Variants in SCAPER observed in about 807,000 individuals in gnomAD.
The protein encoded by SCAPER is S phase cyclin A-associated protein in the endoplasmic reticulum.
SCAPER carries 98 observed loss-of-function variants against 182.2 expected under a neutral mutation model. That is an observed-to-expected ratio of 0.54 (90% CI 0.46 to 0.64). The LOEUF is 0.64. SCAPER is among the 30% of genes least tolerant of loss of function. The probability of loss-of-function intolerance (pLI) is 0.00; values close to 1 mark genes in which losing one functional copy is unlikely to be tolerated. For synonymous variants in SCAPER, 605 were observed against 564.6 expected, an observed-to-expected ratio of 1.07 and a Z score of -1.01; for missense variants, 1,432 against 1,690.0, an observed-to-expected ratio of 0.85 and a Z score of 2.68.
intron 30 of SCAPER, among the ~76,000 whole-genome samples, chr15:76,352,929 C>T (rs759638663): frequency 7.9e-5 from 12 of 151,024 alleles, no homozygotes; most frequent in Non-Finnish European, 1.5e-4. Context: ...GAAAATAAAA[C>T]GTAGATTCAA....
chr15:76,575,011 A>C (rs1201424855), intron 22 of SCAPER, among the ~76,000 whole-genome samples: 3 of 152,086 alleles, frequency 2.0e-5, no homozygotes, highest in Non-Finnish European at 4.4e-5. Context: ...TATCTGTGGT[A>C]GATTCCACAG....
chr15:76,421,960 T>C lies in SCAPER; in HGVS notation c.3311+12118A>G, dbSNP rs2046077515. Among the ~76,000 whole-genome samples, 3 of 152,230 alleles carry C rather than the reference T, an allele frequency of 2.0e-5. No individual in the cohort carries two copies. The South Asian group carries it at 6.2e-4, about 32-fold the overall frequency. On this transcript the variant is annotated intron_variant, in intron 26 of 31. Coordinates refer to ENST00000563290, the MANE Select transcript of SCAPER (RefSeq NM_020843.4). ...TGTGTGTTATTATTTCTGAGGGCTC[T>C]GTTCTGTTCCATTGGTCTATATCTC...
chr15:76,894,909 GA>G (rs2074349176), intron 1 of SCAPER, among the ~76,000 whole-genome samples: 1 of 151,574 alleles, frequency 6.6e-6, no homozygotes, highest in African/African-American at 2.4e-5. Context: ...TCACAAAAGA[GA>G]AGAACCTAGG....
intron 29 of SCAPER, among the ~76,000 whole-genome samples, chr15:76,360,578 G>C (rs2041332866): frequency 1.3e-5 from 2 of 152,250 alleles, no homozygotes; most frequent in Admixed American, 1.3e-4. Context: ...ATGACTGGCT[G>C]CCAGCCAGCT....
intron 17 of SCAPER, among the ~76,000 whole-genome samples, chr15:76,708,208 T>C (rs569133510): frequency 1.6e-4 from 24 of 152,292 alleles, no homozygotes; most frequent in African/African-American, 3.4e-4. Context: ...ATATGAATGT[T>C]ATACAAGTAG....
At chr15:76,588,089 T>C (rs558901830) in intron 22 of SCAPER, among the ~76,000 whole-genome samples, 82 of 152,102 alleles carry the variant, frequency 5.4e-4, no homozygotes, top group African/African-American at 1.7e-3. Context: ...GCCTGGCTAA[T>C]TTTTTGTATT....
chr15:76,637,667 C>T (rs2053715944), intron 21 of SCAPER, among the ~76,000 whole-genome samples: 1 of 150,634 alleles, frequency 6.6e-6, no homozygotes. Flanking sequence ...GATGGCAACA[C>T]TGCATACCAG....
At position 76,771,847 on chromosome 15, in the gene SCAPER, T is replaced by C; in HGVS notation, c.1143A>G (p.Ser381=). ...GAGGTGTACCAGCTTGCAGCATAACTGAAACACACTCTGTATCAATGTGGA... is the reference window on the plus strand; with the variant it reads ...GAGGTGTACCAGCTTGCAGCATAACCGAAACACACTCTGTATCAATGTGGA... ...SAVHIDTECV[S]VMLQAGTPPL... is the part of the protein sequence containing the mutation. Residue 381 remains serine (S), a synonymous_variant, in exon 10 of 32, where the codon TCA becomes TCG. Transcript: ENST00000563290. 1.2e-6 allele frequency: 2 copies of C among 1,613,174 alleles called. No homozygotes were observed. Among genetic ancestry groups the C allele is most frequent in the Non-Finnish European group, 1.7e-6 (2 of 1,179,360 alleles).
In SCAPER at chr15:76,665,676, CT is replaced by C; in HGVS notation, c.2621del (p.Lys874ArgfsTer2). On this transcript the variant is annotated frameshift_variant, in exon 21 of 32. Coordinates refer to ENST00000563290, the MANE Select transcript of SCAPER (RefSeq NM_020843.4). LOFTEE classifies it high-confidence loss of function. Reference sequence around the variant, plus strand: ...ACCTGAAGTTCATCCGGGCTTTTATCTTTTTGGCTTTTTTTTTATTTTTTTG... The same window carrying C: ...ACCTGAAGTTCATCCGGGCTTTTATCTTTTGGCTTTTTTTTTATTTTTTTG... The part of the protein sequence containing the change: ...ERQKNKKKAK[K>X]IKARMNFRAK... 6.3e-7 allele frequency: 1 copy of C among 1,591,806 alleles called. No homozygotes were observed. Among genetic ancestry groups the C allele is most frequent in the Non-Finnish European group, 8.5e-7 (1 of 1,170,578 alleles).
chr15:76,674,307 T>C (rs1406816178), intron 20 of SCAPER, among the ~76,000 whole-genome samples: 1 of 152,170 alleles, frequency 6.6e-6, no homozygotes, highest in Non-Finnish European at 1.5e-5. Flanking sequence ...ACACCAATTA[T>C]AGTCTTACCA....
chr15:76,440,268 T>C (rs1243645673), intron 25 of SCAPER, among the ~76,000 whole-genome samples: 5 of 152,202 alleles, frequency 3.3e-5, no homozygotes, highest in Non-Finnish European at 7.4e-5. Flanking sequence ...GACCAAGCCC[T>C]GAATCAAAAT....
intron 23 of SCAPER, among the ~76,000 whole-genome samples, chr15:76,526,828 A>G (rs911468521): frequency 6.6e-6 from 1 of 151,346 alleles, no homozygotes; most frequent in African/African-American, 2.4e-5. Flanking sequence ...AATACTAAAT[A>G]TATTTCCTGA....
chr15:76,371,403 TC>T lies in SCAPER; in HGVS notation c.3855+4758del, dbSNP rs2042166158. Among the ~76,000 whole-genome samples the T allele has an allele frequency of 2.0e-5, 3 of 149,838 alleles. No homozygotes were observed. The South Asian group carries it at 6.4e-4, about 32-fold the overall frequency. On this transcript the variant is annotated intron_variant, in intron 29 of 31. Coordinates refer to ENST00000563290, the MANE Select transcript of SCAPER (RefSeq NM_020843.4). ...GGCGTGATCTCGGCTCACCGCAACC[TC>T]CGCCTCCCAGGTTCATGCAGTCCTC...
chr15:76,760,176 C>A (rs947917240), intron 14 of SCAPER, among the ~76,000 whole-genome samples: 1 of 152,132 alleles, frequency 6.6e-6, no homozygotes, highest in Non-Finnish European at 1.5e-5. Context: ...GGGGCTCAGT[C>A]CCACAAGACT....
intron 17 of SCAPER, among the ~76,000 whole-genome samples, chr15:76,709,398 T>C (rs951593532): frequency 6.6e-6 from 1 of 152,168 alleles, no homozygotes; most frequent in Admixed American, 6.5e-5. Flanking sequence ...CCTCCCAAAG[T>C]GCTGGGATTA....
intron 24 of SCAPER, among the ~76,000 whole-genome samples, chr15:76,495,703 G>C (rs2040435440): frequency 6.6e-6 from 1 of 151,562 alleles, no homozygotes; most frequent in African/African-American, 2.4e-5. Context: ...GATACTTCTT[G>C]GTTTTCCAGA....
intron 20 of SCAPER, among the ~76,000 whole-genome samples, chr15:76,667,743 A>C (rs1183262846): frequency 1.3e-5 from 2 of 151,302 alleles, no homozygotes; most frequent in Non-Finnish European, 2.9e-5. Context: ...ACTTGAGGGC[A>C]AGAGTTCGAG....
At position 76,602,698 on chromosome 15, in the gene SCAPER, CA is replaced by C. The variant is rs2050009969; in HGVS notation, c.2711+19065del. On this transcript the variant is annotated intron_variant, in intron 22 of 31. Transcript: ENST00000563290. ...CACTTTCTTTTCCCTTCTGGTATCC[CA>C]ATTACATGTACGTTATACCTTTTTG... Among the ~76,000 whole-genome samples, 2 of 120,320 alleles carry C rather than the reference CA, an allele frequency of 1.7e-5. 1 individual carries two copies. Among genetic ancestry groups the C allele is most frequent in the Non-Finnish European group, 4.0e-5 (2 of 49,706 alleles). The allele number at this position is 120,320 out of a possible 152,430, so 78.9% of individuals were successfully genotyped here.
chr15:76,795,856 G>C (rs778035097), intron 7 of SCAPER, among the ~76,000 whole-genome samples: 1 of 152,184 alleles, frequency 6.6e-6, no homozygotes, highest in African/African-American at 2.4e-5. Context: ...GAGGCCAAGA[G>C]TTCAAAACCA....
Sources: gnomAD v4.1 joint callset for allele counts (sites outside exome capture counted in the v4.1 genomes callset) on GRCh38, gnomAD v4.1.1 for gene constraint, MANE v1.5 for transcripts, NCBI Gene and HGNC (gene_info 2026-07-23, HGNC 2026-07-21) for gene names.